BMP1: variants seen among roughly 807,000 people sequenced by gnomAD.
The protein encoded by BMP1 is mammalian tolloid protein.
Under a neutral mutation model 116.8 loss-of-function variants are expected in BMP1, and 63 were observed. The ratio of observed to expected loss-of-function variants is 0.54; its 90% CI spans 0.44 to 0.67. The LOEUF is 0.67. Among genes scored for constraint, BMP1 ranks in the 30% least tolerant of loss-of-function variants. The probability of loss-of-function intolerance (pLI) is 0.00; values close to 1 mark genes in which losing one functional copy is unlikely to be tolerated. For missense variants in BMP1, 1,183 were observed against 1,358.9 expected, an observed-to-expected ratio of 0.87 and a Z score of 2.04; for synonymous variants, 536 against 533.4, an observed-to-expected ratio of 1.00 and a Z score of -0.07.
At chr8:22,208,727 C>A (rs1226228764) in intron 18 of BMP1, among the ~76,000 whole-genome samples, 1 of 152,228 alleles carries the variant, frequency 6.6e-6, no homozygotes, top group Non-Finnish European at 1.5e-5. Flanking sequence ...CACGAGGGAG[C>A]TTTGCAGTCT....
At chr8:22,201,209 G>A in intron 15 of BMP1, 1 of 1,612,248 alleles carries the variant, frequency 6.2e-7, no homozygotes, top group South Asian at 1.1e-5. Flanking sequence ...AGTGAGGCCT[G>A]CCAGGCCTCC....
chr8:22,197,525 A>G, intron 15 of BMP1, 105 bp downstream of exon 15: 2 of 1,321,472 alleles, frequency 1.5e-6, no homozygotes, highest in Middle Eastern at 2.0e-4. Flanking sequence ...CCCTGGTGCC[A>G]GGCAGGCAGA....
At chr8:22,201,157 A>G in intron 15 of BMP1, 1 of 1,501,194 alleles carries the variant, frequency 6.7e-7, no homozygotes, top group Non-Finnish European at 8.9e-7. Flanking sequence ...GGACGCCCCC[A>G]CCAGCTCAAA....
At position 22,197,541 on chromosome 8, in the gene BMP1, C is replaced by G. The variant is rs1563269295; in HGVS notation, c.2107+121C>G. On this transcript the variant is annotated intron_variant, in intron 15 of 19. Coordinates refer to ENST00000306385, the MANE Select transcript of BMP1 (RefSeq NM_006129.5). ...CCTGGTGCCAGGCAGGCAGAGTCTG[C>G]CCCCTGCTCCCCACCACTTCACTCT... 10 of 1,080,620 alleles carry G rather than the reference C, an allele frequency of 9.3e-6. No individual in the cohort carries two copies. The East Asian group carries it at 1.2e-4, about 13-fold the overall frequency. 66.9% of individuals were successfully genotyped at this position (1,080,620 alleles called of 1,614,324 possible). A position where few individuals can be genotyped will look rare whatever the true frequency, so the allele number is the denominator to read the frequency against.
At position 22,165,741 on chromosome 8, in the gene BMP1, C is replaced by T. The variant is rs867412633; in HGVS notation, c.148+188C>T. On this transcript the variant is annotated intron_variant, in intron 1 of 19. Coordinates refer to ENST00000306385, the MANE Select transcript of BMP1 (RefSeq NM_006129.5). ...GGGACTTTTCGGACTGAAGTTTTGC[C>T]GCTGTTGGTGGAAGCTGCTGCCGCT... 4.6e-5 allele frequency among the ~76,000 whole-genome samples: 7 copies of T among 152,182 alleles called. No individual in the cohort carries two copies. The South Asian group carries it at 1.5e-3, about 32-fold the overall frequency.
At position 22,212,025 on chromosome 8, in the gene BMP1, C is replaced by CTTTTTT; in HGVS notation, c.*297_*298insTTTTTT. ...CCTGCCTGGTGGCAAGAGGGAATGT[C>CTTTTTT]AGCAGGACCCCATCGCCATCCCTGT... On this transcript the variant is annotated 3_prime_UTR_variant, in exon 20 of 20. Transcript: ENST00000306385. 8.8e-6 allele frequency: 4 copies of CTTTTTT among 453,496 alleles called. No individual in the cohort carries two copies. The highest frequency in any genetic ancestry group is 3.4e-5 in the Admixed American group (1 of 29,760). 28.1% of individuals were successfully genotyped at this position (453,496 alleles called of 1,614,324 possible).
intron 1 of BMP1, among the ~76,000 whole-genome samples, chr8:22,173,141 T>C (rs919658980): frequency 6.6e-6 from 1 of 152,142 alleles, no homozygotes; most frequent in Admixed American, 6.5e-5. Context: ...ACCACAGTAG[T>C]ATGTTAACTA....
chr8:22,176,219 A>C lies in BMP1; in HGVS notation c.339A>C (p.Arg113Ser). 1 of 1,614,072 alleles carries C rather than the reference A, an allele frequency of 6.2e-7. No homozygotes were observed. Among genetic ancestry groups the C allele is most frequent in the African/African-American group, 1.3e-5 (1 of 75,048 alleles). The part of the protein sequence containing the change: ...QPQRGACGRW[R>S]GRSRSRRAAT... ...AGAGGGGAGCCTGTGGGAGATGGAG[A>C]GGTAGATCCCGTAGCCGGCGGGCGG... Residue 113 changes from arginine (R) to serine (S), a missense_variant, in exon 3 of 20, where the codon AGA becomes AGC. Arg to Ser is a moderately radical substitution (Grantham distance 110). Transcript: ENST00000306385.
In BMP1 at chr8:22,194,942, C is replaced by T. The variant is rs375835283; in HGVS notation, c.1639+23C>T. ...AAGGTGCCTCCTCTGTTACTCTCCCCTGCCCCAAGGTGCCTCGTGACCTTC... is the reference window on the plus strand; with the variant it reads ...AAGGTGCCTCCTCTGTTACTCTCCCTTGCCCCAAGGTGCCTCGTGACCTTC... On this transcript the variant is annotated intron_variant, in intron 12 of 19. Coordinates refer to ENST00000306385, the MANE Select transcript of BMP1 (RefSeq NM_006129.5). This position sits in a 1 kb window ranked among gnomAD's most constrained non-coding sequence, Gnocchi z 4.5. 7.3e-5 allele frequency: 116 copies of T among 1,587,382 alleles called. 2 individuals are homozygous for T. The highest frequency in any genetic ancestry group is 4.6e-4 in the African/African-American group (34 of 74,198).
intron 18 of BMP1, 74 bp downstream of exon 18, chr8:22,207,590 C>T (rs549519111): frequency 1.1e-5 from 17 of 1,526,930 alleles, no homozygotes; most frequent in Middle Eastern, 4.3e-4. Flanking sequence ...GGTTTCAATG[C>T]GGGTATGAAG....
At chr8:22,173,853 C>T in intron 2 of BMP1, 138 bp downstream of exon 2, 1 of 557,820 alleles carries the variant, frequency 1.8e-6, no homozygotes, top group East Asian at 3.1e-5. Context: ...GGTCTATCTT[C>T]CCTCGGGATA....
In BMP1 at chr8:22,176,988, C is replaced by T. The variant is rs529464801; in HGVS notation, c.579C>T (p.Gly193=). Residue 193 remains glycine, a synonymous_variant, in exon 5 of 20, where the codon GGC becomes GGT. Coordinates refer to ENST00000306385, the MANE Select transcript of BMP1 (RefSeq NM_006129.5). The stretch of plus-strand genomic sequence containing the variant: ...GCTGCTCCTACGTGGGTCGCCGCGG[C>T]GGGGGCCCCCAGGCCATCTCCATCG... ...CGCCSYVGRR[G]GGPQAISIGK... The T allele has an allele frequency of 6.8e-5, 110 of 1,612,050 alleles. No individual in the cohort carries two copies. The highest frequency in any genetic ancestry group is 9.1e-5 in the Non-Finnish European group (107 of 1,179,268).
chr8:22,200,066 A>G (rs61371980), intron 15 of BMP1, among the ~76,000 whole-genome samples: 8 of 152,092 alleles, frequency 5.3e-5, no homozygotes, highest in African/African-American at 1.4e-4. Flanking sequence ...TGGTTCATCT[A>G]TGGAATTCTG....
In BMP1 at chr8:22,194,472, A is replaced by T. The variant is rs761413232; in HGVS notation, c.1325A>T (p.Asp442Val). 1 of 1,614,084 alleles carries T rather than the reference A, an allele frequency of 6.2e-7. No individual in the cohort carries two copies. Among genetic ancestry groups the T allele is most frequent in the Non-Finnish European group, 8.5e-7 (1 of 1,180,018 alleles). ...EAICGGDVKKDYGHIQSPNYP... is the reference protein window; with the variant it reads ...EAICGGDVKKVYGHIQSPNYP... ...ATCTGCGGGGGTGATGTGAAAAAGG[A>T]CTATGGCCACATTCAATCGCCCAAC... is the stretch of plus-strand genomic sequence containing the variant. The change falls in exon 11 of 20, where the codon GAC (aspartate) becomes GTC (valine). Residue 442 changes from aspartate to valine, a missense_variant. By Grantham distance (152) the Asp-to-Val change is radical. Coordinates refer to ENST00000306385, the MANE Select transcript of BMP1 (RefSeq NM_006129.5). This position sits in a 1 kb window ranked among gnomAD's most constrained non-coding sequence, Gnocchi z 4.5.
intron 5 of BMP1, 65 bp from the exon 6 acceptor site, chr8:22,177,787 A>C: frequency 8.3e-7 from 1 of 1,200,550 alleles, no homozygotes; most frequent in Non-Finnish European, 1.2e-6. Flanking sequence ...CTGGAAAGTG[A>C]GCGTTGCATC....
intron 2 of BMP1, among the ~76,000 whole-genome samples, chr8:22,175,323 G>A (rs187019847): frequency 2.6e-4 from 40 of 152,340 alleles, no homozygotes; most frequent in Non-Finnish European, 4.1e-4. Context: ...CTCCACAAAT[G>A]TCAAGGTTTA....
chr8:22,195,336 G>A (rs1829050837), intron 12 of BMP1, 126 bp from the exon 13 acceptor site: 1 of 1,227,588 alleles, frequency 8.1e-7, no homozygotes. Context: ...CTGAAGGAAG[G>A]CTCTGTGGGG....
chr8:22,207,363 T>C lies in BMP1; in HGVS notation c.2422T>C (p.Phe808Leu), dbSNP rs776127473. The C allele has an allele frequency of 1.2e-6, 2 of 1,614,156 alleles. No individual in the cohort carries two copies. Among genetic ancestry groups the C allele is most frequent in the South Asian group, 2.2e-5 (2 of 91,084 alleles). ...GTGTGCCTACGACCACCTAGAGGTG[T>C]TCGACGGGCGAGACGCCAAGGCCCC... Reference protein sequence around the residue: ...PECAYDHLEVFDGRDAKAPVL... With the variant: ...PECAYDHLEVLDGRDAKAPVL... Residue 808 changes from phenylalanine (F) to leucine (L), a missense_variant, in exon 18 of 20, where the codon TTC becomes CTC. Phe to Leu is a conservative substitution (Grantham distance 22, BLOSUM62 0). Coordinates refer to ENST00000306385, the MANE Select transcript of BMP1 (RefSeq NM_006129.5).
chr8:22,203,423 G>A (rs1829299157), intron 16 of BMP1, among the ~76,000 whole-genome samples: 1 of 152,156 alleles, frequency 6.6e-6, no homozygotes, highest in African/African-American at 2.4e-5. Context: ...CAGGCGTGGT[G>A]GGACGCACCT....
Sources: allele counts gnomAD v4.1 joint callset (sites outside exome capture counted in the v4.1 genomes callset), GRCh38; gene constraint gnomAD v4.1.1; non-coding constraint Gnocchi (gnomAD v3.1); transcripts MANE v1.5; gene names NCBI Gene and HGNC (gene_info 2026-07-23, HGNC 2026-07-21).